ASIC2: variants seen among roughly 807,000 people sequenced by gnomAD.
ASIC2 encodes the protein acid sensing ion channel subunit 2.
Under a neutral mutation model 57.3 loss-of-function variants are expected in ASIC2, and 25 were observed. The observed-to-expected ratio is 0.44, with a 90% CI of 0.32 to 0.61. The LOEUF (loss-of-function observed/expected upper bound fraction) is 0.61, where lower values mean the gene tolerates loss of function less well. ASIC2 is among the 20% of genes least tolerant of loss of function. The pLI, the probability that ASIC2 is intolerant of heterozygous loss-of-function variation, is 0.06. For missense variants in ASIC2, 641 were observed against 738.1 expected, an observed-to-expected ratio of 0.87 and a Z score of 1.52; for synonymous variants, 319 against 307.5, an observed-to-expected ratio of 1.04 and a Z score of -0.39.
intron 1 of ASIC2, among the ~76,000 whole-genome samples, chr17:33,553,499 A>G (rs1177041666): frequency 6.6e-6 from 1 of 151,428 alleles, no homozygotes; most frequent in East Asian, 1.9e-4. Context: ...TATTACTATT[A>G]TTATTATTAT....
chr17:33,747,841 G>A (rs1365977511), intron 1 of ASIC2, among the ~76,000 whole-genome samples: 2 of 152,186 alleles, frequency 1.3e-5, no homozygotes, highest in Non-Finnish European at 2.9e-5. Flanking sequence ...TCTGATGCCT[G>A]CCTCTGACAG....
At chr17:33,547,378 A>G (rs1215029629) in intron 1 of ASIC2, among the ~76,000 whole-genome samples, 4 of 152,146 alleles carry the variant, frequency 2.6e-5, no homozygotes, top group African/African-American at 7.2e-5. Flanking sequence ...CAGTGGGTTA[A>G]TCTATCCTTC....
chr17:33,874,148 G>A (rs1051272179), intron 1 of ASIC2, among the ~76,000 whole-genome samples: 2 of 152,130 alleles, frequency 1.3e-5, no homozygotes, highest in African/African-American at 2.4e-5. Context: ...TGACCATCTA[G>A]CGATGCCCTG....
At chr17:33,551,888 C>T (rs1350372322) in intron 1 of ASIC2, among the ~76,000 whole-genome samples, 1 of 152,156 alleles carries the variant, frequency 6.6e-6, no homozygotes, top group East Asian at 1.9e-4. Flanking sequence ...AAACCAGCTG[C>T]CACCAAGCTG....
intron 1 of ASIC2, among the ~76,000 whole-genome samples, chr17:33,403,835 C>A (rs1214923936): frequency 1.3e-5 from 2 of 152,210 alleles, no homozygotes; most frequent in African/African-American, 2.4e-5. Context: ...AGAAGCCAAG[C>A]TCCAGAGAGA....
chr17:33,345,960 T>C (rs1182382382), intron 1 of ASIC2, among the ~76,000 whole-genome samples: 1 of 151,936 alleles, frequency 6.6e-6, no homozygotes, highest in Non-Finnish European at 1.5e-5. Context: ...GCGTGGTGGC[T>C]AAACACCTGT....
At chr17:34,001,993 C>T (rs1906361133) in intron 1 of ASIC2, 1 of 152,236 alleles carries the variant, frequency 6.6e-6, no homozygotes. Context: ...CAACTCATGT[C>T]ACCATTAACA....
chr17:33,188,335 A>G (rs1002088101), intron 1 of ASIC2, among the ~76,000 whole-genome samples: 6 of 152,148 alleles, frequency 3.9e-5, no homozygotes, highest in African/African-American at 1.4e-4. Context: ...GGACAATATA[A>G]AAAGACCTAA....
At chr17:33,802,497 C>T (rs1283383213) in intron 1 of ASIC2, among the ~76,000 whole-genome samples, 1 of 152,222 alleles carries the variant, frequency 6.6e-6, no homozygotes, top group Non-Finnish European at 1.5e-5. Flanking sequence ...GAATTGCCTG[C>T]CACTCCCTGC....
intron 1 of ASIC2, among the ~76,000 whole-genome samples, chr17:33,345,178 GAATCTGTTCTCCAGAGTAGTCT>G (rs555482785): frequency 7.5e-4 from 114 of 152,268 alleles, no homozygotes; most frequent in African/African-American, 2.6e-3. Context: ...TTCTTAAAAA[GAATCTGTTCTCCAGAGTAGTCT>G]AAACATGACC....
At chr17:33,186,832 G>A (rs1014454680) in intron 1 of ASIC2, among the ~76,000 whole-genome samples, 3 of 152,158 alleles carry the variant, frequency 2.0e-5, no homozygotes, top group African/African-American at 4.8e-5. Flanking sequence ...TGATAAGTAG[G>A]TGCTTCATGA....
At chr17:33,491,588 A>G (rs549196495) in intron 1 of ASIC2, among the ~76,000 whole-genome samples, 21 of 152,370 alleles carry the variant, frequency 1.4e-4, no homozygotes, top group African/African-American at 5.0e-4. Flanking sequence ...ATATGCAATT[A>G]CTTTCATCGA....
intron 2 of ASIC2, 88 bp downstream of exon 2, chr17:33,111,829 G>C: frequency 6.7e-7 from 1 of 1,495,920 alleles, no homozygotes; most frequent in South Asian, 1.4e-5. Context: ...TCCCTCACAG[G>C]GTGGGCCAAG....
chr17:33,291,335 G>A, intron 1 of ASIC2, 73 bp downstream of exon 1: 1 of 1,507,944 alleles, frequency 6.6e-7, no homozygotes, highest in South Asian at 1.3e-5. Flanking sequence ...CCCCGAGGGG[G>A]CGGAACACCA....
intron 1 of ASIC2, among the ~76,000 whole-genome samples, chr17:33,593,363 T>TA (rs71362895): frequency 0.29 from 39,124 of 136,980 alleles, 5,351 homozygotes; most frequent in African/African-American, 0.43. Flanking sequence ...CCCTCATTGG[T>TA]AAAAAAAAAA....
At chr17:33,748,676 G>A (rs1017406709) in intron 1 of ASIC2, among the ~76,000 whole-genome samples, 1 of 152,136 alleles carries the variant, frequency 6.6e-6, no homozygotes, top group African/African-American at 2.4e-5. Context: ...CACCTTCTGG[G>A]CCACATGAGA....
intron 1 of ASIC2, among the ~76,000 whole-genome samples, chr17:33,120,675 G>T (rs933608911): frequency 2.0e-5 from 3 of 152,224 alleles, no homozygotes; most frequent in African/African-American, 4.8e-5. Context: ...CAGCTTGGCT[G>T]GTTGGGGGAA....
In ASIC2 at chr17:34,156,298, C is replaced by G. The variant is rs1904718930; in HGVS notation, c.235G>C (p.Val79Leu). The stretch of plus-strand genomic sequence containing the variant: ...GGGAAGACCAGGCTTTGAGCCACCA[C>G]TTCGTCCACCTTAGTGACATGCTGG... The change falls in exon 1 of 10, where the codon GTG (valine) becomes CTG (leucine). Residue 79 changes from valine (V) to leucine (L), a missense_variant. Physicochemically the swap from Val to Leu is conservative, Grantham distance 32. Coordinates refer to the ASIC2 transcript ENST00000359872. This position sits in a 1 kb window ranked among gnomAD's most constrained non-coding sequence, Gnocchi z 4.4. The G allele has an allele frequency of 6.2e-7, 1 of 1,614,114 alleles. No homozygotes were observed. Among genetic ancestry groups the G allele is most frequent in the Non-Finnish European group, 8.5e-7 (1 of 1,180,048 alleles).
At chr17:33,835,262 C>A (rs1597896001) in intron 1 of ASIC2, among the ~76,000 whole-genome samples, 1 of 152,220 alleles carries the variant, frequency 6.6e-6, no homozygotes, top group East Asian at 1.9e-4. Context: ...TGGTTAAAGG[C>A]AGTTAATTGC....
Sources: gnomAD v4.1 joint callset for allele counts (sites outside exome capture counted in the v4.1 genomes callset) on GRCh38, gnomAD v4.1.1 for gene constraint, Gnocchi (gnomAD v3.1) non-coding constraint, MANE v1.5 for transcripts, NCBI Gene and HGNC (gene_info 2026-07-23, HGNC 2026-07-21) for gene names.